WASF1: variants seen among roughly 807,000 people sequenced by gnomAD.
The protein encoded by WASF1 is WASP family member 1.
WASF1 carries 7 observed loss-of-function variants against 50.5 expected under a neutral mutation model. That is an observed-to-expected ratio of 0.14 (90% CI 0.08 to 0.26). WASF1 has a LOEUF of 0.26. Ranked by LOEUF, WASF1 falls within the 10% of genes least tolerant of loss-of-function variation. WASF1 has a pLI of 1.00. For missense variants in WASF1, 470 were observed against 694.7 expected (o/e 0.68, Z 3.64); for synonymous variants, 205 against 244.0 (o/e 0.84, Z 1.49).
chr6:110,166,351 G>A (rs1776476898), intron 2 of WASF1, among the ~76,000 whole-genome samples: 1 of 151,552 alleles, frequency 6.6e-6, no homozygotes, highest in Non-Finnish European at 1.5e-5. Flanking sequence ...AAATATCAGT[G>A]GTATTCCCCA....
intron 3 of WASF1, among the ~76,000 whole-genome samples, chr6:110,147,910 C>A (rs1775645372): frequency 6.6e-6 from 1 of 152,072 alleles, no homozygotes; most frequent in Non-Finnish European, 1.5e-5. Flanking sequence ...GCACACCTGG[C>A]TAATTTTTAA....
chr6:110,134,050 C>G (rs1774826995), intron 3 of WASF1, among the ~76,000 whole-genome samples: 1 of 152,144 alleles, frequency 6.6e-6, no homozygotes, highest in South Asian at 2.1e-4. Flanking sequence ...GTGGCATGAT[C>G]TAAGCTCACT....
chr6:110,116,897 G>C (rs952215462), intron 4 of WASF1, among the ~76,000 whole-genome samples: 5 of 152,122 alleles, frequency 3.3e-5, no homozygotes, highest in Admixed American at 6.5e-5. Flanking sequence ...ACAGGGTCTG[G>C]AGTGGACCTC....
At chr6:110,124,270 CTCTCTATA>C (rs1486233048) in intron 4 of WASF1, among the ~76,000 whole-genome samples, 17 of 52,464 alleles carry the variant, frequency 3.2e-4, no homozygotes, top group South Asian at 1.6e-3. Flanking sequence ...CTCTCTCTCT[CTCTCTATA>C]TATATATATA....
chr6:110,104,770 T>C (rs556092964), intron 8 of WASF1, among the ~76,000 whole-genome samples: 15 of 152,272 alleles, frequency 9.9e-5, no homozygotes, highest in African/African-American at 2.9e-4. Flanking sequence ...CCCTGGGCGA[T>C]AGAGCAAGAT....
intron 2 of WASF1, among the ~76,000 whole-genome samples, chr6:110,165,874 A>G (rs1398296175): frequency 1.3e-5 from 2 of 151,756 alleles, no homozygotes; most frequent in Non-Finnish European, 3.0e-5. Context: ...ACAATGTTCT[A>G]GAAGCCTTAG....
chr6:110,110,477 G>A (rs773971685), intron 5 of WASF1, among the ~76,000 whole-genome samples: 4 of 152,042 alleles, frequency 2.6e-5, no homozygotes, highest in South Asian at 4.1e-4. Context: ...GTTTAATCTC[G>A]CCAAACTTCC....
intron 4 of WASF1, among the ~76,000 whole-genome samples, chr6:110,116,190 G>C (rs1773797095): frequency 6.6e-6 from 1 of 152,188 alleles, no homozygotes; most frequent in East Asian, 1.9e-4. Flanking sequence ...TGGACAGTGG[G>C]TGCAGCCCAC....
At chr6:110,149,811 G>A (rs530145566) in intron 3 of WASF1, among the ~76,000 whole-genome samples, 1 of 152,224 alleles carries the variant, frequency 6.6e-6, no homozygotes, top group East Asian at 1.9e-4. Flanking sequence ...CATCACCTGA[G>A]CAGTGTACAC....
At chr6:110,165,267 C>T (rs975814777) in intron 2 of WASF1, among the ~76,000 whole-genome samples, 1 of 151,646 alleles carries the variant, frequency 6.6e-6, no homozygotes, top group African/African-American at 2.4e-5. Flanking sequence ...ATAGGCTATA[C>T]ATATGTGGGG....
Position 110,129,726 on chromosome 6 carries a change from G to GT in WASF1, c.-28-2098dup, listed in dbSNP as rs544282944. ...GAACTGCTCAAACTGCCTTTGATAA[G>GT]TTTTTTTTACAAAGAAATAAAACAC... On this transcript the variant is annotated intron_variant, in intron 3 of 10. Transcript: ENST00000392589. Among the ~76,000 whole-genome samples, 99 of 152,136 alleles carry GT rather than the reference G, an allele frequency of 6.5e-4. 2 individuals carry two copies. The highest frequency in any genetic ancestry group is 3.4e-3 in the Middle Eastern group (1 of 294).
At chr6:110,136,871 AATG>A (rs1378360173) in intron 3 of WASF1, among the ~76,000 whole-genome samples, 2 of 152,176 alleles carry the variant, frequency 1.3e-5, no homozygotes, top group African/African-American at 4.8e-5. Context: ...TTTTAGCTCC[AATG>A]ATAACATTCC....
chr6:110,171,264 G>C (rs2114622547), intron 2 of WASF1, among the ~76,000 whole-genome samples: 1 of 152,168 alleles, frequency 6.6e-6, no homozygotes, highest in Admixed American at 6.5e-5. Flanking sequence ...AAACCAGAAA[G>C]CAATCTCAGA....
At chr6:110,168,169 T>C (rs1394878770) in intron 2 of WASF1, among the ~76,000 whole-genome samples, 1 of 152,038 alleles carries the variant, frequency 6.6e-6, no homozygotes, top group African/African-American at 2.4e-5. Flanking sequence ...TAACAGTTAA[T>C]AACGAGTGAA....
At chr6:110,178,458 G>A (rs1439491353) in intron 2 of WASF1, 140 bp downstream of exon 2, 2 of 152,232 alleles carry the variant, frequency 1.3e-5, no homozygotes, top group Non-Finnish European at 2.9e-5. Flanking sequence ...TAACCAATAA[G>A]TCAATTACAT....
intron 3 of WASF1, among the ~76,000 whole-genome samples, chr6:110,159,563 G>A (rs543318831): frequency 1.4e-4 from 22 of 151,798 alleles, no homozygotes; most frequent in South Asian, 1.4e-3. Flanking sequence ...GCCTAATGCC[G>A]GGCTATGGCC....
intron 3 of WASF1, among the ~76,000 whole-genome samples, chr6:110,143,348 GTTTAT>G (rs905348618): frequency 1.9e-4 from 25 of 130,802 alleles, no homozygotes; most frequent in African/African-American, 7.6e-4. Flanking sequence ...ATTCTAAATT[GTTTAT>G]TTTGATGACT....
chr6:110,103,564 G>T lies in WASF1; in HGVS notation c.714-7C>A. 1 of 1,599,926 alleles carries T rather than the reference G, an allele frequency of 6.3e-7. No homozygotes were observed. Among genetic ancestry groups the T allele is most frequent in the East Asian group, 2.2e-5 (1 of 44,608 alleles). On this transcript the variant is annotated splice_polypyrimidine_tract_variant and splice_region_variant and intron_variant, in intron 8 of 10. Coordinates refer to ENST00000392589, the MANE Select transcript of WASF1 (RefSeq NM_003931.3). ...ATCCACGTATGTCTGAGGTCTAAAAGAAATATATAGTATCAGTGAATTATT... is the reference window on the plus strand; with the variant it reads ...ATCCACGTATGTCTGAGGTCTAAAATAAATATATAGTATCAGTGAATTATT...
At chr6:110,169,633 C>G (rs943754281) in intron 2 of WASF1, among the ~76,000 whole-genome samples, 2 of 152,076 alleles carry the variant, frequency 1.3e-5, no homozygotes, top group Admixed American at 6.6e-5. Context: ...TGCGACCTAA[C>G]AAGTAAATCA....
Sources: allele counts gnomAD v4.1 joint callset (sites outside exome capture counted in the v4.1 genomes callset), GRCh38; gene constraint gnomAD v4.1.1; transcripts MANE v1.5; gene names NCBI Gene and HGNC (gene_info 2026-07-23, HGNC 2026-07-21).